ADCY2: variants seen among roughly 807,000 people sequenced by gnomAD.
ADCY2 encodes adenylate cyclase type 2.
In ADCY2, 31 loss-of-function variants were observed where a neutral mutation model predicts 125.2. The observed-to-expected ratio is 0.25, with a 90% CI of 0.19 to 0.33. ADCY2 has a LOEUF of 0.33. Ranked by LOEUF, ADCY2 falls within the 10% of genes least tolerant of loss-of-function variation. ADCY2 has a pLI of 1.00. For missense variants in ADCY2, 904 were observed against 1,418.2 expected (o/e 0.64, Z 5.82); for synonymous variants, 512 against 548.4 (o/e 0.93, Z 0.93).
intron 2 of ADCY2, among the ~76,000 whole-genome samples, chr5:7,452,099 G>C (rs948676140): frequency 3.3e-5 from 5 of 152,088 alleles, no homozygotes; most frequent in African/African-American, 1.2e-4. Flanking sequence ...TTTTAGTAGA[G>C]ACAGAGTTTC....
chr5:7,434,416 T>A (rs1271745429), intron 2 of ADCY2, among the ~76,000 whole-genome samples: 3 of 152,226 alleles, frequency 2.0e-5, no homozygotes, highest in Non-Finnish European at 4.4e-5. Flanking sequence ...TAACTGCAGA[T>A]GTAGTAGGCT....
chr5:7,482,730 A>C (rs1323264675), intron 2 of ADCY2, among the ~76,000 whole-genome samples: 2 of 148,900 alleles, frequency 1.3e-5, no homozygotes, highest in Non-Finnish European at 3.0e-5. Context: ...GAACCCACCT[A>C]AGTGTCTATC....
chr5:7,599,071 A>G (rs570024865), intron 3 of ADCY2, among the ~76,000 whole-genome samples: 1 of 152,304 alleles, frequency 6.6e-6, no homozygotes, highest in Admixed American at 6.5e-5. Context: ...TTGTGTAGGG[A>G]CAGCCAAGGG....
chr5:7,448,188 G>C (rs1741346378), intron 2 of ADCY2, among the ~76,000 whole-genome samples: 1 of 152,168 alleles, frequency 6.6e-6, no homozygotes, highest in Non-Finnish European at 1.5e-5. Context: ...GCTTCCCTCA[G>C]CTGCAGCTCT....
intron 4 of ADCY2, among the ~76,000 whole-genome samples, chr5:7,686,494 C>T (rs1186435748): frequency 6.6e-6 from 1 of 152,116 alleles, no homozygotes; most frequent in Admixed American, 6.5e-5. Context: ...AATCAGATAA[C>T]CTTTGAATAT....
At chr5:7,407,203 G>T (rs1215464359) in intron 1 of ADCY2, among the ~76,000 whole-genome samples, 2 of 152,182 alleles carry the variant, frequency 1.3e-5, no homozygotes, top group South Asian at 4.1e-4. Flanking sequence ...TCAAAAAGAA[G>T]AATAATTATC....
intron 3 of ADCY2, among the ~76,000 whole-genome samples, chr5:7,544,946 C>A (rs1463481278): frequency 6.6e-6 from 1 of 152,172 alleles, no homozygotes. Context: ...GCACTGGGGC[C>A]AGGCCTGGGC....
At chr5:7,630,827 C>T (rs1012504657) in intron 4 of ADCY2, among the ~76,000 whole-genome samples, 2 of 149,212 alleles carry the variant, frequency 1.3e-5, no homozygotes, top group African/African-American at 5.0e-5. Context: ...GGCTCTGTCA[C>T]CCAGGCTGGA....
intron 14 of ADCY2, among the ~76,000 whole-genome samples, chr5:7,738,124 A>C (rs1742301997): frequency 6.6e-6 from 1 of 152,206 alleles, no homozygotes; most frequent in African/African-American, 2.4e-5. Flanking sequence ...TTTATGAGAG[A>C]GTATAAAAGA....
rs780874496 is a variant in ADCY2 at position 7,396,500 on chromosome 5, C to T, written c.204C>T (p.Leu68=). The T allele has an allele frequency of 3.8e-6, 6 of 1,562,104 alleles. No homozygotes were observed. Among genetic ancestry groups the T allele is most frequent in the Non-Finnish European group, 5.2e-6 (6 of 1,155,118 alleles). ...CCCTGCTCGCCGTCTTCTTCGCGCT[C>T]GGGCTGGTGAGTGGCCTCCCCGCGG... ...CLALLAVFFA[L]GLEVEDHVAF... Residue 68 remains leucine (L), a synonymous_variant, in exon 1 of 25, where the codon CTC becomes CTT. Transcript: ENST00000338316. This position sits in a 1 kb window ranked among gnomAD's most constrained non-coding sequence, Gnocchi z 5.7.
chr5:7,721,449 G>A (rs1194784766), intron 12 of ADCY2, among the ~76,000 whole-genome samples: 3 of 152,214 alleles, frequency 2.0e-5, no homozygotes, highest in East Asian at 3.8e-4. Flanking sequence ...CACTTTTGGT[G>A]TTTTAGTCAT....
At chr5:7,583,615 G>A (rs1224579927) in intron 3 of ADCY2, among the ~76,000 whole-genome samples, 2 of 152,072 alleles carry the variant, frequency 1.3e-5, no homozygotes, top group African/African-American at 2.4e-5. Context: ...ACCAGTTATT[G>A]TCAAAGTTAT....
chr5:7,638,962 T>G (rs1738600721), intron 4 of ADCY2, among the ~76,000 whole-genome samples: 1 of 152,102 alleles, frequency 6.6e-6, no homozygotes, highest in Admixed American at 6.6e-5. Context: ...GATCTGATGG[T>G]TTTAAAAACA....
chr5:7,818,358 T>C (rs1157915104), intron 23 of ADCY2, among the ~76,000 whole-genome samples: 1 of 150,530 alleles, frequency 6.6e-6, no homozygotes, highest in Non-Finnish European at 1.5e-5. Context: ...TTTTTCTTTT[T>C]TTTTTTTTTC....
At chr5:7,402,366 G>T (rs982998083) in intron 1 of ADCY2, among the ~76,000 whole-genome samples, 8 of 152,194 alleles carry the variant, frequency 5.3e-5, no homozygotes, top group Non-Finnish European at 1.2e-4. Flanking sequence ...AATCACAAGG[G>T]AGAGGATGAA....
intron 3 of ADCY2, among the ~76,000 whole-genome samples, chr5:7,583,565 A>G (rs1187550152): frequency 6.6e-6 from 1 of 152,042 alleles, no homozygotes; most frequent in Non-Finnish European, 1.5e-5. Flanking sequence ...AGATAACACT[A>G]CCCATATATC....
rs145129872 is a variant in ADCY2, at chr5:7,624,795, T to C, written c.571-1372T>C. Among the ~76,000 whole-genome samples, 450 of 152,190 alleles carry C rather than the reference T, an allele frequency of 3.0e-3. 4 individuals carry two copies. Among genetic ancestry groups the C allele is most frequent in the African/African-American group, 9.8e-3 (408 of 41,536 alleles). On this transcript the variant is annotated intron_variant, in intron 3 of 24. Transcript: ENST00000338316. ...TTGGGGAGATTCTTAGGGAGGAGCATAGGATATTCGGAACTGATGCCACTG... is the reference window on the plus strand; with the variant it reads ...TTGGGGAGATTCTTAGGGAGGAGCACAGGATATTCGGAACTGATGCCACTG...
At chr5:7,419,464 G>A (rs778098230) in intron 2 of ADCY2, among the ~76,000 whole-genome samples, 1 of 152,230 alleles carries the variant, frequency 6.6e-6, no homozygotes, top group African/African-American at 2.4e-5. Flanking sequence ...ATCTATTGCC[G>A]AAGCTCAACT....
At chr5:7,415,600 C>T (rs1348292084) in intron 2 of ADCY2, among the ~76,000 whole-genome samples, 1 of 152,152 alleles carries the variant, frequency 6.6e-6, no homozygotes, top group South Asian at 2.1e-4. Context: ...TTCTGTGACA[C>T]TGATTTTCCC....
Sources: gnomAD v4.1 joint callset for allele counts (sites outside exome capture counted in the v4.1 genomes callset) on GRCh38, gnomAD v4.1.1 for gene constraint, Gnocchi (gnomAD v3.1) non-coding constraint, MANE v1.5 for transcripts, NCBI Gene and HGNC (gene_info 2026-07-23, HGNC 2026-07-21) for gene names.